RNF24: variants seen among roughly 807,000 people sequenced by gnomAD.
RNF24 encodes the protein ring finger protein 24.
RNF24 carries 14 observed loss-of-function variants against 20.0 expected under a neutral mutation model. That is an observed-to-expected ratio of 0.70 (90% CI 0.46 to 1.10). The LOEUF is 1.10. RNF24 is among the 50% of genes least tolerant of loss of function. The pLI is 0.00. For synonymous variants in RNF24, 45 were observed against 61.1 expected (o/e 0.74, Z 1.23); for missense variants, 124 against 177.6 (o/e 0.70, Z 1.71).
chr20:3,985,564 T>C (rs908328673), intron 1 of RNF24, among the ~76,000 whole-genome samples: 3 of 152,226 alleles, frequency 2.0e-5, no homozygotes, highest in African/African-American at 4.8e-5. Flanking sequence ...TTGCTGCTGT[T>C]CCACAGTTCT....
chr20:3,995,085 G>A (rs1980752906), intron 1 of RNF24, among the ~76,000 whole-genome samples: 1 of 152,222 alleles, frequency 6.6e-6, no homozygotes, highest in Non-Finnish European at 1.5e-5. Flanking sequence ...ATGAAAGATG[G>A]CATAGCAGAG....
intron 1 of RNF24, among the ~76,000 whole-genome samples, chr20:3,995,097 CAG>C (rs1980753936): frequency 1.3e-5 from 2 of 152,212 alleles, no homozygotes; most frequent in Non-Finnish European, 2.9e-5. Context: ...ATAGCAGAGG[CAG>C]TAACCTTACA....
intron 1 of RNF24, among the ~76,000 whole-genome samples, chr20:4,002,162 G>C (rs892105537): frequency 2.6e-5 from 4 of 152,032 alleles, no homozygotes; most frequent in African/African-American, 9.7e-5. Context: ...GAGGTGGGTG[G>C]ATCACGAGGT....
At chr20:3,984,394 CA>C (rs1361446580) in intron 1 of RNF24, among the ~76,000 whole-genome samples, 1 of 152,104 alleles carries the variant, frequency 6.6e-6, no homozygotes, top group African/African-American at 2.4e-5. Context: ...ATTTGAGGAC[CA>C]GACACTGTAA....
chr20:3,944,039 G>A (rs563267627), intron 4 of RNF24, among the ~76,000 whole-genome samples: 10 of 151,952 alleles, frequency 6.6e-5, no homozygotes, highest in Middle Eastern at 3.4e-3. Context: ...GTGAAACCCC[G>A]TCTCTACTAA....
At chr20:3,995,677 C>A (rs1282938951) in intron 1 of RNF24, among the ~76,000 whole-genome samples, 1 of 152,114 alleles carries the variant, frequency 6.6e-6, no homozygotes, top group Non-Finnish European at 1.5e-5. Context: ...CTGGAAGTCT[C>A]CCCTTTGTTT....
intron 1 of RNF24, among the ~76,000 whole-genome samples, chr20:3,975,403 C>A (rs1489819430): frequency 6.6e-6 from 1 of 152,100 alleles, no homozygotes; most frequent in Non-Finnish European, 1.5e-5. Context: ...AATTGATACA[C>A]TGGACTTCAT....
In RNF24 at chr20:3,929,050, T is replaced by C. The variant is rs889709620; in HGVS notation, c.*5013A>G. ...TTTTAGTAGAGGGGGTTTCACCATA[T>C]TGGTCAGGCTGGTCTTGAACTCTTG... is the stretch of plus-strand genomic sequence containing the variant. On this transcript the variant is annotated 3_prime_UTR_variant, in exon 6 of 6. Transcript: ENST00000358395. 2 of 152,110 alleles carry C rather than the reference T, an allele frequency of 1.3e-5. No individual in the cohort carries two copies. The highest frequency in any genetic ancestry group is 4.8e-5 in the African/African-American group (2 of 41,410). 9.4% of individuals were successfully genotyped at this position (152,110 alleles called of 1,614,324 possible). A position where few individuals can be genotyped will look rare whatever the true frequency, so the allele number is the denominator to read the frequency against.
At chr20:3,949,005 C>T (rs2091051243) in intron 2 of RNF24, among the ~76,000 whole-genome samples, 1 of 152,210 alleles carries the variant, frequency 6.6e-6, no homozygotes, top group Non-Finnish European at 1.5e-5. Flanking sequence ...AGCTGATACA[C>T]AAATTCTACA....
intron 1 of RNF24, among the ~76,000 whole-genome samples, chr20:4,003,633 CTTTTTT>C (rs377227990): frequency 2.1e-4 from 18 of 84,428 alleles, no homozygotes; most frequent in South Asian, 4.8e-4. Flanking sequence ...TTAGAAACTC[CTTTTTT>C]TTTTTTTTTT....
intron 1 of RNF24, among the ~76,000 whole-genome samples, chr20:4,014,900 C>T (rs1185544496): frequency 1.3e-5 from 2 of 152,206 alleles, no homozygotes; most frequent in African/African-American, 2.4e-5. Flanking sequence ...GTCTCCACCC[C>T]GACCACTGCC....
At chr20:3,958,188 G>A (rs2091163914) in intron 2 of RNF24, among the ~76,000 whole-genome samples, 1 of 152,070 alleles carries the variant, frequency 6.6e-6, no homozygotes, top group Admixed American at 6.6e-5. Context: ...TCCTGCTTAG[G>A]AATAATATTG....
intron 2 of RNF24, among the ~76,000 whole-genome samples, chr20:3,953,028 A>G (rs1401660763): frequency 1.3e-5 from 2 of 152,194 alleles, no homozygotes; most frequent in Non-Finnish European, 2.9e-5. Flanking sequence ...TGAGCTGAGA[A>G]GTATTTGTTC....
chr20:3,971,796 A>C (rs1978377573), intron 1 of RNF24, among the ~76,000 whole-genome samples: 1 of 152,184 alleles, frequency 6.6e-6, no homozygotes. Context: ...ACAAATAGAA[A>C]ACAAAGTTTA....
rs377045846 is a variant in RNF24, at chr20:3,946,974, C to T, written c.186+1263G>A. ...TTGGGAGGCCGAGGTGGGTGGATCA[C>T]GAGGTCAAGAGATCAAGACCATCCT... On this transcript the variant is annotated intron_variant, in intron 3 of 5. Transcript: ENST00000358395. Among the ~76,000 whole-genome samples, 79 of 152,118 alleles carry T rather than the reference C, an allele frequency of 5.2e-4. 2 individuals are homozygous for T. Among genetic ancestry groups the T allele is most frequent in the African/African-American group, 1.8e-3 (76 of 41,508 alleles).
intron 2 of RNF24, among the ~76,000 whole-genome samples, chr20:3,953,684 G>A (rs939296869): frequency 2.0e-5 from 3 of 150,718 alleles, no homozygotes; most frequent in Admixed American, 1.3e-4. Flanking sequence ...AGATGGTCTC[G>A]ATCTCCTGAC....
intron 1 of RNF24, among the ~76,000 whole-genome samples, chr20:3,978,703 A>C (rs1343281854): frequency 1.3e-5 from 2 of 152,236 alleles, no homozygotes; most frequent in African/African-American, 4.8e-5. Context: ...AAAAAGTAGA[A>C]ATAAAGGCTA....
At chr20:3,978,791 T>C (rs1358204480) in intron 1 of RNF24, among the ~76,000 whole-genome samples, 1 of 152,044 alleles carries the variant, frequency 6.6e-6, no homozygotes, top group African/African-American at 2.4e-5. Flanking sequence ...AAAGAGGACA[T>C]AAACAATACC....
chr20:3,953,256 A>G (rs976945742), intron 2 of RNF24, among the ~76,000 whole-genome samples: 2 of 152,016 alleles, frequency 1.3e-5, no homozygotes, highest in East Asian at 3.9e-4. Context: ...GGTTCACGCC[A>G]TTCTCCTGCC....
Sources: gnomAD v4.1 joint callset for allele counts (sites outside exome capture counted in the v4.1 genomes callset) on GRCh38, gnomAD v4.1.1 for gene constraint, MANE v1.5 for transcripts, NCBI Gene and HGNC (gene_info 2026-07-23, HGNC 2026-07-21) for gene names.